ATXN7: variants seen among roughly 807,000 people sequenced by gnomAD.
The protein encoded by ATXN7 is ataxin-7.
ATXN7 carries 12 observed loss-of-function variants against 70.5 expected under a neutral mutation model. The ratio of observed to expected loss-of-function variants is 0.17; its 90% CI spans 0.11 to 0.28. The LOEUF is 0.28. ATXN7 is among the 10% of genes least tolerant of loss of function. ATXN7 has a pLI of 1.00. For missense variants in ATXN7, 1,256 were observed against 1,131.7 expected, an observed-to-expected ratio of 1.11 and a Z score of -1.58; for synonymous variants, 498 against 448.7, an observed-to-expected ratio of 1.11 and a Z score of -1.39.
chr3:63,943,207 G>A (rs779005388), intron 4 of ATXN7, among the ~76,000 whole-genome samples: 8 of 152,212 alleles, frequency 5.3e-5, no homozygotes, highest in Non-Finnish European at 1.2e-4. Context: ...AACAGAACTA[G>A]CAAAGGGCCC....
Position 63,990,385 on chromosome 3 carries a change from C to T in ATXN7, c.1560+11C>T, listed in dbSNP as rs766617121. ...CCTCAGCCAGCATCTGTAAGTTCCA[C>T]GTCCACCCCCGCGTTGACCCTCCCC... On this transcript the variant is annotated intron_variant, in intron 10 of 12. Coordinates refer to ENST00000674280, the MANE Select transcript of ATXN7 (RefSeq NM_001377405.1). 2.5e-5 allele frequency: 40 copies of T among 1,613,922 alleles called. No homozygotes were observed. Among genetic ancestry groups the T allele is most frequent in the Non-Finnish European group, 3.0e-5 (35 of 1,179,968 alleles).
chr3:63,961,509 C>T (rs190155656), intron 5 of ATXN7, among the ~76,000 whole-genome samples: 41 of 152,248 alleles, frequency 2.7e-4, no homozygotes, highest in Non-Finnish European at 5.6e-4. Context: ...TGATGAACTA[C>T]TTCAGCAGTT....
chr3:63,934,372 G>T (rs1313968612), intron 4 of ATXN7, among the ~76,000 whole-genome samples: 1 of 152,142 alleles, frequency 6.6e-6, no homozygotes, highest in Non-Finnish European at 1.5e-5. Context: ...GGGGGCAGGG[G>T]ATGTTTTTGT....
chr3:63,945,487 A>T, intron 4 of ATXN7, among the ~76,000 whole-genome samples: 1 of 152,230 alleles, frequency 6.6e-6, no homozygotes, highest in East Asian at 1.9e-4. Context: ...ACTGAATGGC[A>T]TACCCAATTC....
chr3:63,981,426 T>C (rs557033049), intron 6 of ATXN7, among the ~76,000 whole-genome samples: 1 of 152,356 alleles, frequency 6.6e-6, no homozygotes, highest in East Asian at 1.9e-4. Flanking sequence ...ACCTCATTGA[T>C]TCAAATCTTC....
At chr3:63,955,330 A>G (rs952767741) in intron 5 of ATXN7, among the ~76,000 whole-genome samples, 3 of 152,134 alleles carry the variant, frequency 2.0e-5, no homozygotes, top group African/African-American at 4.8e-5. Context: ...CTGCTGGGAA[A>G]TGTGTAAGGA....
intron 4 of ATXN7, among the ~76,000 whole-genome samples, chr3:63,942,037 G>A (rs545523501): frequency 1.3e-5 from 2 of 152,128 alleles, no homozygotes; most frequent in Admixed American, 6.6e-5. Flanking sequence ...CAATGGAGCC[G>A]AGAGTCCTAG....
At chr3:63,884,342 G>A (rs116103444) in intron 1 of ATXN7, among the ~76,000 whole-genome samples, 25,514 of 151,186 alleles carry the variant, frequency 0.17, 2,830 homozygotes, top group Middle Eastern at 0.3. Context: ...AGCTCCCAAA[G>A]GTCAAACCTA....
At chr3:63,960,056 A>T (rs186885977) in intron 5 of ATXN7, among the ~76,000 whole-genome samples, 1 of 152,220 alleles carries the variant, frequency 6.6e-6, no homozygotes, top group East Asian at 1.9e-4. Flanking sequence ...GCTAGGAATA[A>T]TGTGAGAGAA....
Position 63,913,146 on chromosome 3 carries a change from A to T in ATXN7, c.326-11A>T, listed in dbSNP as rs568756392. ...GCCTCTCCCCTCCTCCTGTGTGTGT[A>T]TATCTCCTAGGGACAGAATTGGACG... On this transcript the variant is annotated splice_polypyrimidine_tract_variant and intron_variant, in intron 3 of 12. Coordinates refer to ENST00000674280, the MANE Select transcript of ATXN7 (RefSeq NM_001377405.1). The T allele has an allele frequency of 1.9e-6, 3 of 1,612,556 alleles. No homozygotes were observed. The highest frequency in any genetic ancestry group is 1.1e-5 in the South Asian group (1 of 91,038).
chr3:63,990,626 TCA>T, intron 10 of ATXN7, 110 bp from the exon 11 acceptor site: 1 of 1,500,064 alleles, frequency 6.7e-7, no homozygotes, highest in Non-Finnish European at 9.2e-7. Context: ...CCTCCGGTAC[TCA>T]GAGGCAGTTC....
chr3:63,978,473 G>A (rs1487509475), intron 5 of ATXN7, among the ~76,000 whole-genome samples: 2 of 152,138 alleles, frequency 1.3e-5, no homozygotes, highest in Non-Finnish European at 2.9e-5. Flanking sequence ...ATGCTTAAAA[G>A]TATGTTCAGA....
intron 4 of ATXN7, among the ~76,000 whole-genome samples, chr3:63,932,826 G>C (rs1275702084): frequency 1.3e-5 from 2 of 152,250 alleles, no homozygotes; most frequent in East Asian, 3.9e-4. Context: ...CCAGTTTTAT[G>C]TCTGCTCCTT....
intron 10 of ATXN7, 156 bp from the exon 11 acceptor site, chr3:63,990,582 C>A: frequency 7.8e-7 from 1 of 1,289,918 alleles, no homozygotes; most frequent in Non-Finnish European, 1.1e-6. Context: ...CCATGACGCT[C>A]AGGGCTAGGC....
At chr3:63,899,364 A>G (rs1269540112) in intron 2 of ATXN7, among the ~76,000 whole-genome samples, 1 of 152,100 alleles carries the variant, frequency 6.6e-6, no homozygotes, top group East Asian at 1.9e-4. Context: ...CGCCTGGCAC[A>G]TTAATGTTGT....
rs929040913 is a variant in ATXN7 at position 63,912,709 on chromosome 3, G to C, written c.111G>C (p.Gln37His). Residue 37 changes from glutamine to histidine, a missense_variant, in exon 3 of 13, where the codon CAG becomes CAC. Gln to His is a conservative substitution (Grantham distance 24). Coordinates refer to ENST00000674280, the MANE Select transcript of ATXN7 (RefSeq NM_001377405.1). ...AARQQQQQQQ[Q>H]QQPPPPQPQR... ...GGCAGCAGCAGCAGCAGCAGCAGCA[G>C]CAGCAGCCGCCGCCTCCGCAGCCCC... The C allele has an allele frequency of 1.2e-5, 15 of 1,205,714 alleles. No individual in the cohort carries two copies. The Admixed American group carries it at 4.6e-4, about 37-fold the overall frequency. 74.7% of individuals were successfully genotyped at this position (1,205,714 alleles called of 1,614,324 possible). A position where few individuals can be genotyped will look rare whatever the true frequency, so the allele number is the denominator to read the frequency against.
rs59256288 is a variant in ATXN7 at position 63,952,835 on chromosome 3, C to CTTTTTTTTTTTTTTTTTTTTTTT, written c.499+361_499+383dup. On this transcript the variant is annotated intron_variant, in intron 5 of 12. Transcript: ENST00000674280. ...ACACTCACAATATGGATGCATGGGC[C>CTTTTTTTTTTTTTTTTTTTTTTT]TTTTTTTTTTTTTTTTTTTTTTTTT... is the stretch of plus-strand genomic sequence containing the variant. 1.2e-4 allele frequency among the ~76,000 whole-genome samples: 6 copies of CTTTTTTTTTTTTTTTTTTTTTTT among 49,164 alleles called. 1 individual carries two copies. The highest frequency in any genetic ancestry group is 3.1e-4 in the African/African-American group (3 of 9,806). 32.3% of individuals were successfully genotyped at this position (49,164 alleles called of 152,430 possible).
At chr3:63,961,767 G>C (rs2075136761) in intron 5 of ATXN7, among the ~76,000 whole-genome samples, 1 of 151,976 alleles carries the variant, frequency 6.6e-6, no homozygotes, top group African/African-American at 2.4e-5. Context: ...TATATGAATT[G>C]TTGATATTCA....
intron 4 of ATXN7, among the ~76,000 whole-genome samples, chr3:63,929,939 A>T (rs532263228): frequency 1.1e-4 from 16 of 152,196 alleles, no homozygotes; most frequent in African/African-American, 3.9e-4. Flanking sequence ...CACACTGTAT[A>T]TTGCCAGTGA....
Sources: gnomAD v4.1 joint callset for allele counts (sites outside exome capture counted in the v4.1 genomes callset) on GRCh38, gnomAD v4.1.1 for gene constraint, MANE v1.5 for transcripts, NCBI Gene and HGNC (gene_info 2026-07-23, HGNC 2026-07-21) for gene names.